KCNIP1: variants seen among roughly 807,000 people sequenced by gnomAD.
KCNIP1 encodes the protein potassium voltage-gated channel interacting protein 1, also known as A-type potassium channel modulatory protein KCNIP1.
A neutral mutation model predicts 33.0 loss-of-function variants in KCNIP1; 18 were observed. The observed-to-expected ratio is 0.55, with a 90% CI of 0.38 to 0.81. The LOEUF is 0.81. Among genes scored for constraint, KCNIP1 ranks in the 30% least tolerant of loss-of-function variants. The probability of loss-of-function intolerance (pLI) is 0.00; values close to 1 mark genes in which losing one functional copy is unlikely to be tolerated. For synonymous variants in KCNIP1, 93 were observed against 98.3 expected, an observed-to-expected ratio of 0.95 and a Z score of 0.32; for missense variants, 238 against 271.6, an observed-to-expected ratio of 0.88 and a Z score of 0.87.
chr5:170,638,973 C>G (rs896949999), intron 1 of KCNIP1, among the ~76,000 whole-genome samples: 3 of 152,206 alleles, frequency 2.0e-5, no homozygotes, highest in Admixed American at 2.0e-4. Context: ...CCAATTCCTC[C>G]GCAGCAGGAG....
At chr5:170,696,016 CAA>C (rs34474795) in intron 1 of KCNIP1, among the ~76,000 whole-genome samples, 15 of 93,882 alleles carry the variant, frequency 1.6e-4, no homozygotes, top group Non-Finnish European at 1.8e-4. Flanking sequence ...GACTCTGTCT[CAA>C]AAAAAAAAAA....
chr5:170,598,892 T>TGTGTGTGCGC (rs1491468885), intron 1 of KCNIP1, among the ~76,000 whole-genome samples: 10 of 2,840 alleles, frequency 3.5e-3, no homozygotes, highest in Admixed American at 8.1e-3. Context: ...AGCCCCGCTG[T>TGTGTGTGCGC]GTGTGTGTGC....
intron 1 of KCNIP1, among the ~76,000 whole-genome samples, chr5:170,539,284 C>G (rs778160570): frequency 4.6e-5 from 7 of 152,166 alleles, no homozygotes; most frequent in Non-Finnish European, 1.0e-4. Context: ...TTTTCATTCC[C>G]CAGCATGAAA....
intron 1 of KCNIP1, among the ~76,000 whole-genome samples, chr5:170,356,753 G>A (rs555028155): frequency 6.6e-6 from 1 of 152,200 alleles, no homozygotes; most frequent in Non-Finnish European, 1.5e-5. Context: ...GTGTGTTACC[G>A]TGTTAAACGA....
chr5:170,682,161 T>G (rs1414078439), intron 1 of KCNIP1, among the ~76,000 whole-genome samples: 1 of 152,006 alleles, frequency 6.6e-6, no homozygotes, highest in Non-Finnish European at 1.5e-5. Flanking sequence ...GAAACTGAAG[T>G]GTAAGATGAG....
At chr5:170,536,888 A>G (rs974893253) in intron 1 of KCNIP1, among the ~76,000 whole-genome samples, 2 of 152,246 alleles carry the variant, frequency 1.3e-5, no homozygotes, top group South Asian at 4.1e-4. Flanking sequence ...GGAAGCATGC[A>G]TCTCCTGGGC....
intron 1 of KCNIP1, among the ~76,000 whole-genome samples, chr5:170,668,751 A>G (rs1289795983): frequency 6.6e-6 from 1 of 152,216 alleles, no homozygotes; most frequent in Non-Finnish European, 1.5e-5. Context: ...GATGCCAGGC[A>G]GCCCAGATGA....
upstream of KCNIP1, among the ~76,000 whole-genome samples, chr5:170,501,979 G>T (rs1757422089): frequency 6.6e-6 from 1 of 152,210 alleles, no homozygotes; most frequent in African/African-American, 2.4e-5. Flanking sequence ...GGAGAGCAGA[G>T]GTTGTGAATC....
chr5:170,649,484 AG>A (rs1388569093), intron 1 of KCNIP1, among the ~76,000 whole-genome samples: 2 of 152,150 alleles, frequency 1.3e-5, no homozygotes, highest in Non-Finnish European at 2.9e-5. Context: ...GCTGAAATCC[AG>A]CCATGCTCTG....
intron 1 of KCNIP1, chr5:170,378,382 C>T (rs558443995): frequency 2.1e-4 from 54 of 258,462 alleles, no homozygotes; most frequent in African/African-American, 1.1e-3. Flanking sequence ...ACAGAGGTGA[C>T]GATCATCGTT....
intron 1 of KCNIP1, among the ~76,000 whole-genome samples, chr5:170,449,115 T>A (rs1266234484): frequency 6.6e-6 from 1 of 152,182 alleles, no homozygotes; most frequent in Non-Finnish European, 1.5e-5. Flanking sequence ...CTGCACAATA[T>A]CCTATTGCCA....
chr5:170,639,003 G>A (rs988145018), intron 1 of KCNIP1, among the ~76,000 whole-genome samples: 1 of 152,216 alleles, frequency 6.6e-6, no homozygotes, highest in Non-Finnish European at 1.5e-5. Flanking sequence ...AAAGAGGAGG[G>A]CGAGCAAGGG....
At chr5:170,439,119 G>A (rs546742276) in intron 1 of KCNIP1, among the ~76,000 whole-genome samples, 1 of 152,168 alleles carries the variant, frequency 6.6e-6, no homozygotes, top group Admixed American at 6.5e-5. Flanking sequence ...ACAATCAGTT[G>A]TACTCACATG....
intron 1 of KCNIP1, among the ~76,000 whole-genome samples, chr5:170,412,651 T>C (rs977584096): frequency 1.3e-5 from 2 of 152,130 alleles, no homozygotes; most frequent in Admixed American, 6.5e-5. Flanking sequence ...AGTGCTGTCT[T>C]GGGTGGAGAA....
chr5:170,504,308 C>T lies in KCNIP1; in HGVS notation c.-265C>T. On this transcript the variant is annotated 5_prime_UTR_variant, in exon 1 of 8. Coordinates refer to ENST00000328939, the MANE Select transcript of KCNIP1 (RefSeq NM_014592.4). The surrounding 1 kb of genome is among the most constrained non-coding windows in gnomAD (Gnocchi z 6.0). ...CGTCCTCGGCCCTGGGCGAGGGAACCGCCGGGCCGGGTCCTCGCGCGGGGA... is the reference window on the plus strand; with the variant it reads ...CGTCCTCGGCCCTGGGCGAGGGAACTGCCGGGCCGGGTCCTCGCGCGGGGA... 11 of 1,353,102 alleles carry T rather than the reference C, an allele frequency of 8.1e-6. No homozygotes were observed. The South Asian group carries it at 1.6e-4, about 19-fold the overall frequency. 83.8% of individuals were successfully genotyped at this position (1,353,102 alleles called of 1,614,324 possible).
upstream of KCNIP1, among the ~76,000 whole-genome samples, chr5:170,503,707 A>G (rs66517324): frequency 7.9e-5 from 7 of 88,634 alleles, no homozygotes; most frequent in Admixed American, 2.3e-4. Flanking sequence ...ACACACACAC[A>G]CACGCACGCA....
intron 1 of KCNIP1, chr5:170,385,171 A>G: frequency 2.2e-6 from 2 of 909,414 alleles, no homozygotes; most frequent in South Asian, 1.5e-5. Flanking sequence ...CTTGAACCCT[A>G]GAACCTAAGA....
intron 1 of KCNIP1, among the ~76,000 whole-genome samples, chr5:170,618,817 A>G (rs1366859322): frequency 6.6e-6 from 1 of 152,204 alleles, no homozygotes; most frequent in African/African-American, 2.4e-5. Context: ...CTTTATAAAG[A>G]CAGGGTTTCT....
At chr5:170,551,991 G>A (rs926227780) in intron 1 of KCNIP1, among the ~76,000 whole-genome samples, 2 of 149,710 alleles carry the variant, frequency 1.3e-5, no homozygotes, top group African/African-American at 5.1e-5. Flanking sequence ...AGCGTGTGTT[G>A]TGTGCGTATG....
Sources: allele counts gnomAD v4.1 joint callset (sites outside exome capture counted in the v4.1 genomes callset), GRCh38; gene constraint gnomAD v4.1.1; non-coding constraint Gnocchi (gnomAD v3.1); transcripts MANE v1.5; gene names NCBI Gene and HGNC (gene_info 2026-07-23, HGNC 2026-07-21).